The following ATE1 variants were observed in gnomAD, a reference collection of about 807,000 sequenced individuals.
ATE1 encodes arginyl-tRNA--protein transferase 1.
Under a neutral mutation model 70.5 loss-of-function variants are expected in ATE1, and 36 were observed. The observed-to-expected ratio is 0.51, with a 90% CI of 0.39 to 0.67. The LOEUF (loss-of-function observed/expected upper bound fraction) is 0.67. Ranked by LOEUF, ATE1 falls within the 30% of genes least tolerant of loss-of-function variation. The pLI is 0.00. For missense variants in ATE1, 593 were observed against 629.5 expected, an observed-to-expected ratio of 0.94 and a Z score of 0.62; for synonymous variants, 232 against 219.3, an observed-to-expected ratio of 1.06 and a Z score of -0.51.
chr10:121,885,219 C>A (rs7091602), intron 7 of ATE1, among the ~76,000 whole-genome samples: 63,543 of 142,760 alleles, frequency 0.45, 14,477 homozygotes, highest in African/African-American at 0.56. Context: ...CAAGATCATG[C>A]CATTACATTC....
chr10:121,905,977 C>T (rs1951175290), intron 5 of ATE1, among the ~76,000 whole-genome samples: 1 of 152,214 alleles, frequency 6.6e-6, no homozygotes, highest in African/African-American at 2.4e-5. Flanking sequence ...CCTGCACCCA[C>T]AGAGGTTCAA....
intron 11 of ATE1, among the ~76,000 whole-genome samples, chr10:121,773,250 T>A (rs895530578): frequency 1.3e-5 from 2 of 152,226 alleles, no homozygotes; most frequent in African/African-American, 4.8e-5. Context: ...ACACTTTTCA[T>A]GTGTACTTTG....
intron 7 of ATE1, among the ~76,000 whole-genome samples, chr10:121,895,224 C>A (rs1362424023): frequency 6.6e-6 from 1 of 152,182 alleles, no homozygotes; most frequent in Non-Finnish European, 1.5e-5. Context: ...AGTAATTCCA[C>A]GCGTACGTAT....
At chr10:121,857,202 T>C (rs890806832) in intron 8 of ATE1, among the ~76,000 whole-genome samples, 24 of 152,192 alleles carry the variant, frequency 1.6e-4, no homozygotes, top group Admixed American at 1.2e-3. Flanking sequence ...GGGATACAAA[T>C]GGTCCCAACA....
intron 5 of ATE1, among the ~76,000 whole-genome samples, chr10:121,903,428 TG>T (rs1364907473): frequency 2.6e-5 from 4 of 152,130 alleles, no homozygotes; most frequent in African/African-American, 9.7e-5. Flanking sequence ...CTTGTGCACC[TG>T]GAATTCTAGC....
intron 11 of ATE1, among the ~76,000 whole-genome samples, chr10:121,749,718 GC>G (rs1381742002): frequency 6.6e-6 from 1 of 152,084 alleles, no homozygotes; most frequent in Non-Finnish European, 1.5e-5. Flanking sequence ...ACTGACGTCA[GC>G]CCCCCATGCA....
intron 5 of ATE1, among the ~76,000 whole-genome samples, chr10:121,909,444 A>T (rs1023304681): frequency 6.6e-6 from 1 of 152,160 alleles, no homozygotes; most frequent in African/African-American, 2.4e-5. Flanking sequence ...TATTTTTTTT[A>T]AAGTTCTTAT....
intron 7 of ATE1, among the ~76,000 whole-genome samples, chr10:121,882,741 T>C (rs1208570335): frequency 6.6e-6 from 1 of 152,194 alleles, no homozygotes; most frequent in Non-Finnish European, 1.5e-5. Context: ...CCAAAGAGTC[T>C]ATCACTGGGC....
chr10:121,768,684 C>G (rs1945376875), intron 11 of ATE1, among the ~76,000 whole-genome samples: 1 of 152,146 alleles, frequency 6.6e-6, no homozygotes, highest in Non-Finnish European at 1.5e-5. Flanking sequence ...TTTCTAGTGT[C>G]AATGTTTCTT....
At chr10:121,816,217 A>G (rs1947535895) in intron 10 of ATE1, among the ~76,000 whole-genome samples, 1 of 152,230 alleles carries the variant, frequency 6.6e-6, no homozygotes, top group Non-Finnish European at 1.5e-5. Context: ...ATTTTATACT[A>G]TTTTAAAAGA....
chr10:121,882,452 AC>A (rs1950257509), intron 7 of ATE1, among the ~76,000 whole-genome samples: 1 of 152,230 alleles, frequency 6.6e-6, no homozygotes, highest in Admixed American at 6.5e-5. Flanking sequence ...AAGCACCTTT[AC>A]AAGTATAGCC....
chr10:121,768,481 G>C (rs1035523307), intron 11 of ATE1, among the ~76,000 whole-genome samples: 4 of 152,060 alleles, frequency 2.6e-5, no homozygotes, highest in Non-Finnish European at 2.9e-5. Flanking sequence ...GGCAGGGGAG[G>C]GGGGAATCAC....
At chr10:121,748,342 T>C (rs535271342) in intron 11 of ATE1, among the ~76,000 whole-genome samples, 3 of 152,304 alleles carry the variant, frequency 2.0e-5, no homozygotes, top group East Asian at 1.9e-4. Flanking sequence ...CCTACCATTA[T>C]GTATAATTTA....
chr10:121,747,103 A>G (rs925859195), intron 11 of ATE1, among the ~76,000 whole-genome samples: 2 of 152,178 alleles, frequency 1.3e-5, no homozygotes, highest in African/African-American at 4.8e-5. Context: ...ACAGCTTGGG[A>G]TGGCATGGAG....
At chr10:121,911,452 A>C (rs1038859521) in intron 4 of ATE1, among the ~76,000 whole-genome samples, 6 of 151,470 alleles carry the variant, frequency 4.0e-5, no homozygotes, top group East Asian at 1.9e-4. Context: ...TAAAAAAAAA[A>C]AAAAAAAACA....
In ATE1 at chr10:121,773,028, C is replaced by T. The variant is rs1945585970; in HGVS notation, c.1378+17141G>A. 4.6e-5 allele frequency among the ~76,000 whole-genome samples: 7 copies of T among 152,280 alleles called. No homozygotes were observed. In the South Asian group the frequency reaches 1.5e-3, roughly 32 times the overall value. On this transcript the variant is annotated intron_variant, in intron 11 of 11. Coordinates refer to ENST00000224652, the MANE Select transcript of ATE1 (RefSeq NM_001001976.3). Reference sequence around the variant, plus strand: ...GTTTTCTTTAAACCTCTTATAGCTACTCAGGTTTTGGTGTTTTGCTTTTAT... The same window carrying T: ...GTTTTCTTTAAACCTCTTATAGCTATTCAGGTTTTGGTGTTTTGCTTTTAT...
chr10:121,844,908 A>T (rs923457203), intron 8 of ATE1, among the ~76,000 whole-genome samples: 1 of 143,608 alleles, frequency 7.0e-6, no homozygotes. Context: ...TAATGAGTTT[A>T]AAAAAAAAAA....
intron 11 of ATE1, among the ~76,000 whole-genome samples, chr10:121,760,072 C>T (rs1290695742): frequency 1.3e-5 from 2 of 152,174 alleles, no homozygotes; most frequent in Non-Finnish European, 2.9e-5. Flanking sequence ...ATATTTTAAG[C>T]CCACTGTTGA....
chr10:121,924,144 A>C, intron 2 of ATE1, 122 bp downstream of exon 2: 1 of 823,034 alleles, frequency 1.2e-6, no homozygotes, highest in Non-Finnish European at 1.9e-6. Flanking sequence ...ATCACTACAT[A>C]AAAGAATATA....
Sources: allele counts gnomAD v4.1 joint callset (sites outside exome capture counted in the v4.1 genomes callset), GRCh38; gene constraint gnomAD v4.1.1; transcripts MANE v1.5; gene names NCBI Gene and HGNC (gene_info 2026-07-23, HGNC 2026-07-21).